Variants in BIRC6 observed in about 807,000 individuals in gnomAD.
The protein encoded by BIRC6 is dual E2 ubiquitin-conjugating enzyme/E3 ubiquitin-protein ligase BIRC6.
Under a neutral mutation model 503.3 loss-of-function variants are expected in BIRC6, and 98 were observed. That is an observed-to-expected ratio of 0.19 (90% confidence interval 0.17 to 0.23). BIRC6 has a LOEUF of 0.23. Among genes scored for constraint, BIRC6 ranks in the 10% least tolerant of loss-of-function variants. The pLI, the probability that BIRC6 is intolerant of heterozygous loss-of-function variation, is 1.00. For missense variants in BIRC6, 5,360 were observed against 5,806.0 expected, an observed-to-expected ratio of 0.92 and a Z score of 2.50; for synonymous variants, 2,240 against 2,078.7, an observed-to-expected ratio of 1.08 and a Z score of -2.11.
chr2:32,374,192 C>G (rs532718532), intron 1 of BIRC6, among the ~76,000 whole-genome samples: 1 of 151,920 alleles, frequency 6.6e-6, no homozygotes. Context: ...TATTTTACCA[C>G]AATTAAAAAA....
At chr2:32,525,193 A>T (rs188758905) in intron 58 of BIRC6, among the ~76,000 whole-genome samples, 174 bp downstream of exon 58, 17 of 152,184 alleles carry the variant, frequency 1.1e-4, no homozygotes, top group African/African-American at 4.1e-4. Context: ...ACTTTCCACT[A>T]AATAGGTTGT....
At chr2:32,598,245 G>A (rs938385695) in intron 69 of BIRC6, among the ~76,000 whole-genome samples, 1 of 148,458 alleles carries the variant, frequency 6.7e-6, no homozygotes, top group Non-Finnish European at 1.5e-5. Context: ...TGTTAGTTCA[G>A]AGTGTGTGGA....
chr2:32,519,476 G>C (rs1479358454), intron 57 of BIRC6, among the ~76,000 whole-genome samples: 1 of 152,046 alleles, frequency 6.6e-6, no homozygotes, highest in East Asian at 1.9e-4. Flanking sequence ...TTTTTAAAAA[G>C]CAGTTTTTGA....
At chr2:32,372,278 G>C (rs1369735766) in intron 1 of BIRC6, among the ~76,000 whole-genome samples, 1 of 152,008 alleles carries the variant, frequency 6.6e-6, no homozygotes, top group Non-Finnish European at 1.5e-5. Context: ...AATTCCCTGT[G>C]GTATCACTTT....
In BIRC6 at chr2:32,525,029, C is replaced by T. The variant is rs1221150061; in HGVS notation, c.11755+10C>T. The T allele has an allele frequency of 6.7e-7, 1 of 1,494,004 alleles. No homozygotes were observed. The highest frequency in any genetic ancestry group is 1.4e-5 in the South Asian group (1 of 69,166). 92.5% of individuals were successfully genotyped at this position (1,494,004 alleles called of 1,614,324 possible). A position where few individuals can be genotyped will look rare whatever the true frequency, so the allele number is the denominator to read the frequency against. On this transcript the variant is annotated intron_variant, in intron 58 of 73. Transcript: ENST00000421745. ...GTTGTTGTTGCCTCTGGTATGCTTT[C>T]TATTTTTTATAATCTTGATTTTGTT... is the stretch of plus-strand genomic sequence containing the variant.
At chr2:32,616,196 T>A (rs547422907) in intron 73 of BIRC6, among the ~76,000 whole-genome samples, 25 of 152,298 alleles carry the variant, frequency 1.6e-4, no homozygotes, top group African/African-American at 5.3e-4. Flanking sequence ...CTTAATTTTT[T>A]AAAATTCTAT....
chr2:32,618,129 TG>T lies in BIRC6; in HGVS notation c.*226del. 1 of 383,444 alleles carries T rather than the reference TG, an allele frequency of 2.6e-6. No homozygotes were observed. The highest frequency in any genetic ancestry group is 4.7e-6 in the Non-Finnish European group (1 of 214,976). The allele number at this position is 383,444 out of a possible 1,614,324, so 23.8% of individuals were successfully genotyped here. A position where few individuals can be genotyped will look rare whatever the true frequency, so the allele number is the denominator to read the frequency against. The stretch of plus-strand genomic sequence containing the variant: ...CAATTGTGAGAACCACTGATTGGTA[TG>T]TTCAACAAATTTGTGTATACAAAGA... On this transcript the variant is annotated 3_prime_UTR_variant, in exon 74 of 74. Transcript: ENST00000421745.
intron 3 of BIRC6, among the ~76,000 whole-genome samples, chr2:32,384,893 T>A (rs1374746055): frequency 6.6e-6 from 1 of 152,248 alleles, no homozygotes; most frequent in African/African-American, 2.4e-5. Context: ...TGCATTGACA[T>A]ATTTCATACG....
chr2:32,416,145 C>T lies in BIRC6; in HGVS notation c.2854C>T (p.Leu952=), dbSNP rs1386780393. The change falls in exon 10 of 74, where the codon CTG becomes TTG. Residue 952 remains leucine, a synonymous_variant. Coordinates refer to ENST00000421745, the MANE Select transcript of BIRC6 (RefSeq NM_016252.4). ...GATTTACTGTTCTGGCACAGACAGG[C>T]TGTGTGCATGCACCAAAGGTAAGTT... ...SVIYCSGTDR[L]CACTKGGELH... is the part of the protein sequence containing the mutation. 1 of 1,604,452 alleles carries T rather than the reference C, an allele frequency of 6.2e-7. No homozygotes were observed. Among genetic ancestry groups the T allele is most frequent in the Non-Finnish European group, 8.5e-7 (1 of 1,175,138 alleles).
At chr2:32,517,453 A>C (rs1358695015) in intron 55 of BIRC6, among the ~76,000 whole-genome samples, 19 of 152,220 alleles carry the variant, frequency 1.2e-4, no homozygotes, top group Non-Finnish European at 2.8e-4. Flanking sequence ...AAATGCTTAA[A>C]TTACCAACTT....
At position 32,608,551 on chromosome 2, in the gene BIRC6, A is replaced by T. The variant is rs1573355700; in HGVS notation, c.14259+908A>T. ...TGCCTCAGCCTCCCAAGTAGCTGGG[A>T]TTACGGGCATGTGGCACCACGCCTG... On this transcript the variant is annotated intron_variant, in intron 72 of 73. Transcript: ENST00000421745. Among the ~76,000 whole-genome samples, 7 of 152,106 alleles carry T rather than the reference A, an allele frequency of 4.6e-5. No homozygotes were observed. The South Asian group carries it at 1.5e-3, about 32-fold the overall frequency.
At chr2:32,562,940 C>T (rs906802014) in intron 65 of BIRC6, among the ~76,000 whole-genome samples, 4 of 152,092 alleles carry the variant, frequency 2.6e-5, no homozygotes, top group African/African-American at 9.7e-5. Flanking sequence ...TTTCACTGAT[C>T]TATTTGTTTA....
chr2:32,384,749 C>T (rs2038196259), intron 3 of BIRC6, among the ~76,000 whole-genome samples: 2 of 152,174 alleles, frequency 1.3e-5, no homozygotes, highest in South Asian at 2.1e-4. Context: ...GCATAGCCTC[C>T]ATATCTGTTG....
In BIRC6 at chr2:32,515,633, G is replaced by A. The variant is rs1390075882; in HGVS notation, c.11212G>A (p.Ala3738Thr). 10 of 1,612,600 alleles carry A rather than the reference G, an allele frequency of 6.2e-6. No individual in the cohort carries two copies. Among genetic ancestry groups the A allele is most frequent in the Non-Finnish European group, 8.5e-6 (10 of 1,179,888 alleles). The change falls in exon 55 of 74, where the codon GCA becomes ACA. Residue 3738 changes from alanine (A) to threonine (T), a missense_variant. Coordinates refer to ENST00000421745, the MANE Select transcript of BIRC6 (RefSeq NM_016252.4). ...SHNLGAQQTS[A>T]RSASLSSAAT... ...TAATTTAGGTGCACAACAGACCAGTGCAAGATCAGCTTCTCTTTCTTCAGC... is the reference window on the plus strand; with the variant it reads ...TAATTTAGGTGCACAACAGACCAGTACAAGATCAGCTTCTCTTTCTTCAGC...
At chr2:32,536,073 T>C (rs2057210384) in intron 61 of BIRC6, among the ~76,000 whole-genome samples, 1 of 152,258 alleles carries the variant, frequency 6.6e-6, no homozygotes, top group Non-Finnish European at 1.5e-5. Context: ...TGAGCATTTT[T>C]TCATGTGTCT....
chr2:32,455,242 A>ATGG (rs951282814), intron 23 of BIRC6, among the ~76,000 whole-genome samples: 7 of 151,872 alleles, frequency 4.6e-5, no homozygotes, highest in Non-Finnish European at 1.0e-4. Flanking sequence ...TTAGCTGGGC[A>ATGG]TGGTGGTGGT....
At chr2:32,459,871 T>G (rs1417548520) in intron 23 of BIRC6, among the ~76,000 whole-genome samples, 1 of 151,786 alleles carries the variant, frequency 6.6e-6, no homozygotes, top group Non-Finnish European at 1.5e-5. Context: ...TTGGTATTTG[T>G]GTATAAAACT....
At chr2:32,405,995 T>G (rs556615695) in intron 8 of BIRC6, among the ~76,000 whole-genome samples, 1 of 152,348 alleles carries the variant, frequency 6.6e-6, no homozygotes, top group African/African-American at 2.4e-5. Flanking sequence ...TTTAAGAAGA[T>G]TTTTGTCAGT....
At chr2:32,369,926 T>TAAAAAAAAAAAA (rs756693528) in intron 1 of BIRC6, among the ~76,000 whole-genome samples, 8 of 37,792 alleles carry the variant, frequency 2.1e-4, no homozygotes, top group Non-Finnish European at 2.7e-4. Context: ...CCCTGTCTCT[T>TAAAAAAAAAAAA]AAAAAAAAAA....
Sources: gnomAD v4.1 joint callset for allele counts (sites outside exome capture counted in the v4.1 genomes callset) on GRCh38, gnomAD v4.1.1 for gene constraint, MANE v1.5 for transcripts, NCBI Gene and HGNC (gene_info 2026-07-23, HGNC 2026-07-21) for gene names.